Variants in ATP6V1B2 observed in about 807,000 individuals in gnomAD.
ATP6V1B2 encodes ATPase H+ transporting V1 subunit B2.
A neutral mutation model predicts 66.7 loss-of-function variants in ATP6V1B2; 23 were observed. That is an observed-to-expected ratio of 0.34 (90% confidence interval 0.25 to 0.49). The LOEUF is 0.49. Ranked by LOEUF, ATP6V1B2 falls within the 20% of genes least tolerant of loss-of-function variation. ATP6V1B2 has a pLI of 0.99. For synonymous variants in ATP6V1B2, 278 were observed against 236.7 expected, an observed-to-expected ratio of 1.17 and a Z score of -1.60; for missense variants, 478 against 650.8, an observed-to-expected ratio of 0.73 and a Z score of 2.89.
At chr8:20,207,109 G>A (rs1168440812) in intron 2 of ATP6V1B2, among the ~76,000 whole-genome samples, 4 of 152,158 alleles carry the variant, frequency 2.6e-5, no homozygotes, top group Non-Finnish European at 5.9e-5. Flanking sequence ...AAAACATTGT[G>A]AAAGACCATA....
At position 20,218,283 on chromosome 8, in the gene ATP6V1B2, GTAAGA is replaced by G. The variant is rs2072874395; in HGVS notation, c.1396+3_1396+7del. The G allele has an allele frequency of 1.2e-6, 2 of 1,612,058 alleles. No homozygotes were observed. Among genetic ancestry groups the G allele is most frequent in the Non-Finnish European group, 1.7e-6 (2 of 1,178,966 alleles). On this transcript the variant is annotated splice_donor_variant and splice_donor_5th_base_variant and intron_variant, in intron 13 of 13. Coordinates refer to ENST00000276390, the MANE Select transcript of ATP6V1B2 (RefSeq NM_001693.4). LOFTEE classifies it high-confidence loss of function. ...TTTGAGAGGAACTTCATTGCTCAGGGTAAGATGACTGTTGGCTTACAAACATAAAA... is the reference window on the plus strand; with the variant it reads ...TTTGAGAGGAACTTCATTGCTCAGGGTGACTGTTGGCTTACAAACATAAAA...
At chr8:20,197,676 C>T in intron 1 of ATP6V1B2, 134 bp downstream of exon 1, 1 of 1,151,598 alleles carries the variant, frequency 8.7e-7, no homozygotes, top group Non-Finnish European at 1.1e-6. Context: ...GACCCTGACC[C>T]ACTTGTCTCT....
chr8:20,206,456 C>G (rs1211907645), intron 2 of ATP6V1B2, among the ~76,000 whole-genome samples: 1 of 152,122 alleles, frequency 6.6e-6, no homozygotes, highest in African/African-American at 2.4e-5. Context: ...TGATAATTTG[C>G]TAGAATAGGT....
intron 5 of ATP6V1B2, among the ~76,000 whole-genome samples, chr8:20,210,902 A>C (rs1196184994): frequency 6.6e-6 from 1 of 152,172 alleles, no homozygotes; most frequent in Non-Finnish European, 1.5e-5. Context: ...TGAATTTGAA[A>C]TTAGGACTTC....
In ATP6V1B2 at chr8:20,211,664, A is replaced by C; in HGVS notation, c.616A>C (p.Ile206Leu). ...GLPHNEIAAQICRQAGLVKKS... is the reference protein window; with the variant it reads ...GLPHNEIAAQLCRQAGLVKKS... Reference sequence around the variant, plus strand: ...CTTTGTTCATCAGATTGCAGCTCAGATCTGTCGCCAGGCTGGTTTGGTAAA... The same window carrying C: ...CTTTGTTCATCAGATTGCAGCTCAGCTCTGTCGCCAGGCTGGTTTGGTAAA... The change falls in exon 7 of 14, where the codon ATC becomes CTC. Residue 206 changes from isoleucine to leucine, a missense_variant. Coordinates refer to ENST00000276390, the MANE Select transcript of ATP6V1B2 (RefSeq NM_001693.4). 6.2e-7 allele frequency: 1 copy of C among 1,610,510 alleles called. No homozygotes were observed. The highest frequency in any genetic ancestry group is 8.5e-7 in the Non-Finnish European group (1 of 1,179,208).
chr8:20,210,512 A>T, intron 4 of ATP6V1B2, 57 bp from the exon 5 acceptor site: 1 of 1,607,944 alleles, frequency 6.2e-7, no homozygotes, highest in Non-Finnish European at 8.5e-7. Context: ...TCTTTTAAAA[A>T]TTATGAACAT....
intron 1 of ATP6V1B2, among the ~76,000 whole-genome samples, chr8:20,198,289 C>G (rs940084856): frequency 6.6e-6 from 1 of 152,206 alleles, no homozygotes; most frequent in African/African-American, 2.4e-5. Flanking sequence ...CTTTTTCTAC[C>G]GTTGCCTCTT....
intron 12 of ATP6V1B2, among the ~76,000 whole-genome samples, chr8:20,217,674 G>A (rs763112730): frequency 1.3e-5 from 2 of 152,078 alleles, no homozygotes; most frequent in Non-Finnish European, 2.9e-5. Context: ...ATATTAAGCC[G>A]TCACCAGAAC....
intron 11 of ATP6V1B2, 124 bp downstream of exon 11, chr8:20,216,619 T>A: frequency 1.2e-6 from 1 of 835,818 alleles, no homozygotes; most frequent in East Asian, 2.8e-5. Context: ...GTTTTTAATA[T>A]GGTTATAAAA....
intron 7 of ATP6V1B2, 130 bp downstream of exon 7, chr8:20,211,883 A>T: frequency 1.2e-6 from 1 of 868,680 alleles, no homozygotes; most frequent in African/African-American, 1.7e-5. Flanking sequence ...ATTTTGGCCA[A>T]ATTAAGGACT....
intron 9 of ATP6V1B2, 35 bp from the exon 10 acceptor site, chr8:20,214,783 C>G (rs139729457): frequency 9.6e-6 from 15 of 1,567,558 alleles, no homozygotes; most frequent in African/African-American, 1.4e-5. Flanking sequence ...GTTGTAATAT[C>G]GTGCATGATA....
chr8:20,203,538 A>G (rs2072707473), intron 1 of ATP6V1B2, among the ~76,000 whole-genome samples: 2 of 152,172 alleles, frequency 1.3e-5, no homozygotes, highest in South Asian at 4.1e-4. Context: ...CCCAGTTGCT[A>G]GACAGCTTCA....
At chr8:20,208,336 G>C (rs2072758479) in intron 2 of ATP6V1B2, among the ~76,000 whole-genome samples, 1 of 152,216 alleles carries the variant, frequency 6.6e-6, no homozygotes, top group Admixed American at 6.5e-5. Flanking sequence ...AACTATATCT[G>C]CTCTGTTTTA....
intron 5 of ATP6V1B2, 114 bp downstream of exon 5, chr8:20,210,760 C>G: frequency 1.4e-6 from 1 of 697,844 alleles, no homozygotes; most frequent in Non-Finnish European, 2.5e-6. Context: ...ATAGGCAACA[C>G]GCTCCATAGG....
At chr8:20,209,356 G>A (rs542104578) in intron 2 of ATP6V1B2, 77 bp from the exon 3 acceptor site, 2 of 1,396,250 alleles carry the variant, frequency 1.4e-6, no homozygotes, top group Non-Finnish European at 2.0e-6. Flanking sequence ...ACACAACATG[G>A]GAGAGACAGA....
intron 9 of ATP6V1B2, 52 bp downstream of exon 9, chr8:20,212,957 G>T (rs760521337): frequency 1.9e-6 from 3 of 1,607,132 alleles, no homozygotes; most frequent in Non-Finnish European, 2.6e-6. Context: ...TAATTTTCAG[G>T]GTTAACTTGT....
At position 20,197,758 on chromosome 8, in the gene ATP6V1B2, T is replaced by A. The variant is rs530168242; in HGVS notation, c.136+216T>A. On this transcript the variant is annotated intron_variant, in intron 1 of 13. Coordinates refer to ENST00000276390, the MANE Select transcript of ATP6V1B2 (RefSeq NM_001693.4). ...AGGGCAAGAGCACCAGCGGGAACTT[T>A]TTCCTGGGGTTGGTGGGCTCCTGGC... is the stretch of plus-strand genomic sequence containing the variant. 5.4e-4 allele frequency among the ~76,000 whole-genome samples: 82 copies of A among 152,308 alleles called. 1 individual carries two copies. Among genetic ancestry groups the A allele is most frequent in the South Asian group, 8.3e-4 (4 of 4,832 alleles).
chr8:20,203,420 G>T (rs2072706706), intron 1 of ATP6V1B2, among the ~76,000 whole-genome samples: 1 of 152,220 alleles, frequency 6.6e-6, no homozygotes, highest in African/African-American at 2.4e-5. Context: ...TGAGTGGACA[G>T]ACTGGTTAGT....
At position 20,207,823 on chromosome 8, in the gene ATP6V1B2, T is replaced by C. The variant is rs139841963; in HGVS notation, c.193-1610T>C. ...AAAGATATTTGTACAAGGATTAATA[T>C]AGAGAATCTATAAAACTTCTATAAA... On this transcript the variant is annotated intron_variant, in intron 2 of 13. Coordinates refer to ENST00000276390, the MANE Select transcript of ATP6V1B2 (RefSeq NM_001693.4). 3.1e-3 allele frequency among the ~76,000 whole-genome samples: 468 copies of C among 152,104 alleles called. 6 individuals carry two copies. In the East Asian group the frequency reaches 0.041, roughly 13 times the overall value.
Sources: allele counts gnomAD v4.1 joint callset (sites outside exome capture counted in the v4.1 genomes callset), GRCh38; gene constraint gnomAD v4.1.1; transcripts MANE v1.5; gene names NCBI Gene and HGNC (gene_info 2026-07-23, HGNC 2026-07-21).